The following NXPE2 variants were observed in gnomAD, a reference collection of about 807,000 sequenced individuals.
NXPE2 encodes the protein neurexophilin and PC-esterase domain family member 2.
Under a neutral mutation model 34.4 loss-of-function variants are expected in NXPE2, and 34 were observed. The ratio of observed to expected loss-of-function variants is 0.99; its 90% CI spans 0.75 to 1.31. The LOEUF is 1.31. NXPE2 is among the 40% of genes most tolerant of loss of function. The pLI is 0.00. For missense variants in NXPE2, 649 were observed against 672.5 expected, an observed-to-expected ratio of 0.97 and a Z score of 0.39; for synonymous variants, 235 against 231.3, an observed-to-expected ratio of 1.02 and a Z score of -0.15.
intron 2 of NXPE2, among the ~76,000 whole-genome samples, chr11:114,693,965 G>A (rs927955834): frequency 2.0e-5 from 3 of 152,160 alleles, no homozygotes; most frequent in Admixed American, 6.5e-5. Context: ...TAAAATCAAG[G>A]TATTAGCAGG....
chr11:114,590,833 C>G, the NXPE2 span, among the ~76,000 whole-genome samples: 338 of 152,266 alleles, frequency 2.2e-3, 3 homozygotes, highest in Admixed American at 0.021. Context: ...TGTTTATGCC[C>G]CACACAATGT....
the NXPE2 span, among the ~76,000 whole-genome samples, chr11:114,779,294 A>ACAGT: frequency 6.9e-6 from 1 of 145,498 alleles, no homozygotes; most frequent in Non-Finnish European, 1.5e-5. Context: ...CAGCTATCAC[A>ACAGT]CAGTCAAGTC....
chr11:114,726,998 C>G, the NXPE2 span, among the ~76,000 whole-genome samples: 8 of 152,018 alleles, frequency 5.3e-5, no homozygotes, highest in African/African-American at 1.9e-4. Context: ...ACCAGAATTG[C>G]CTTCAAATGG....
upstream of NXPE2, among the ~76,000 whole-genome samples, chr11:114,676,583 G>A (rs1439210548): frequency 6.6e-6 from 1 of 151,962 alleles, no homozygotes; most frequent in South Asian, 2.1e-4. Context: ...CTGTTAGTAT[G>A]GTTATTATCA....
chr11:114,527,746 A>G, the NXPE2 span: 1 of 752,648 alleles, frequency 1.3e-6, no homozygotes, highest in Non-Finnish European at 2.1e-6. Flanking sequence ...GACATCTGCT[A>G]GGAATTGTGC....
chr11:114,718,768 G>A, the NXPE2 span, among the ~76,000 whole-genome samples: 1 of 152,174 alleles, frequency 6.6e-6, no homozygotes, highest in African/African-American at 2.4e-5. Context: ...GTATGTTTGA[G>A]GCAGAGAGAG....
chr11:114,536,905 C>T, the NXPE2 span, among the ~76,000 whole-genome samples: 10 of 150,530 alleles, frequency 6.6e-5, no homozygotes, highest in East Asian at 3.9e-4. Context: ...CAGTAGAAAA[C>T]GGGAATCCTC....
Position 114,705,807 on chromosome 11 carries a change from C to A in NXPE2, c.955C>A (p.Gln319Lys), listed in dbSNP as rs1172536627. 2.0e-6 allele frequency: 3 copies of A among 1,502,132 alleles called. No homozygotes were observed. Among genetic ancestry groups the A allele is most frequent in the African/African-American group, 1.4e-5 (1 of 70,088 alleles). The allele number at this position is 1,502,132 out of a possible 1,614,324, so 93.1% of individuals were successfully genotyped here. A position where few individuals can be genotyped will look rare whatever the true frequency, so the allele number is the denominator to read the frequency against. The stretch of plus-strand genomic sequence containing the variant: ...GAGCGAGAACATAAAAAAGAACTGC[C>A]AGATTGGAATGAAGACTCCTTTCCC... ...NKSENIKKNC[Q>K]IGMKTPFPSG... The change falls in exon 5 of 6, where the codon CAG (glutamine) becomes AAG (lysine). Residue 319 changes from glutamine to lysine, a missense_variant. Gln to Lys is a moderately conservative substitution (Grantham distance 53, BLOSUM62 1). Coordinates refer to ENST00000389586, the MANE Select transcript of NXPE2 (RefSeq NM_182495.6).
chr11:114,739,317 TTC>T, the NXPE2 span, among the ~76,000 whole-genome samples: 6 of 53,588 alleles, frequency 1.1e-4, no homozygotes, highest in East Asian at 5.1e-4. Flanking sequence ...CCTTCCTTCC[TTC>T]CTTCCTTCCT....
At chr11:114,570,233 T>C in the NXPE2 span, among the ~76,000 whole-genome samples, 2 of 152,108 alleles carry the variant, frequency 1.3e-5, no homozygotes, top group Admixed American at 1.3e-4. Context: ...CTCTCCAGTC[T>C]TTGACTGTCT....
chr11:114,647,707 T>TA, the NXPE2 span, among the ~76,000 whole-genome samples: 11 of 146,246 alleles, frequency 7.5e-5, no homozygotes, highest in African/African-American at 1.6e-4. Flanking sequence ...TTTATTTTAT[T>TA]TTTTTTTTTT....
chr11:114,674,269 C>T (rs548921929), upstream of NXPE2, among the ~76,000 whole-genome samples: 1 of 151,750 alleles, frequency 6.6e-6, no homozygotes, highest in East Asian at 1.9e-4. Flanking sequence ...ACCAAATAAC[C>T]TTAATTTTCT....
the NXPE2 span, among the ~76,000 whole-genome samples, chr11:114,594,408 A>G: frequency 6.6e-6 from 1 of 152,212 alleles, no homozygotes; most frequent in Non-Finnish European, 1.5e-5. Flanking sequence ...GAAAGTAAAA[A>G]GATGAGCTAA....
In NXPE2 at chr11:114,706,977, A is replaced by C; in HGVS notation, c.*47A>C. ...CTAGCCACTTTCTATAGATGATCTC[A>C]CATATACAGCGAAGATAGTTTAATG... On this transcript the variant is annotated 3_prime_UTR_variant, in exon 6 of 6. Coordinates refer to ENST00000389586, the MANE Select transcript of NXPE2 (RefSeq NM_182495.6). The C allele has an allele frequency of 1.4e-3, 1,882 of 1,374,268 alleles. No homozygotes were observed. The highest frequency in any genetic ancestry group is 1.7e-3 in the Non-Finnish European group (1,706 of 1,018,962). The allele number at this position is 1,374,268 out of a possible 1,614,324, so 85.1% of individuals were successfully genotyped here. A position where few individuals can be genotyped will look rare whatever the true frequency, so the allele number is the denominator to read the frequency against.
chr11:114,495,444 C>T, the NXPE2 span, among the ~76,000 whole-genome samples: 1 of 151,766 alleles, frequency 6.6e-6, no homozygotes, highest in Non-Finnish European at 1.5e-5. Flanking sequence ...ACTCTTTCCT[C>T]AAGCAGAAGG....
the NXPE2 span, among the ~76,000 whole-genome samples, chr11:114,638,913 G>C: frequency 6.6e-6 from 1 of 151,946 alleles, no homozygotes; most frequent in African/African-American, 2.4e-5. Context: ...TGGGGGTCAG[G>C]GGTCAGGGAC....
the NXPE2 span, among the ~76,000 whole-genome samples, chr11:114,470,355 T>A: frequency 6.6e-6 from 1 of 152,206 alleles, no homozygotes; most frequent in Admixed American, 6.5e-5. Context: ...TTGCCAACAT[T>A]TAATATGCTT....
the NXPE2 span, among the ~76,000 whole-genome samples, chr11:114,611,113 G>C: frequency 6.8e-6 from 1 of 146,500 alleles, no homozygotes; most frequent in South Asian, 2.2e-4. Context: ...GAAACCAGTG[G>C]ATAGTTAGTA....
chr11:114,632,485 C>T, the NXPE2 span, among the ~76,000 whole-genome samples: 1 of 122,072 alleles, frequency 8.2e-6, no homozygotes, highest in Non-Finnish European at 1.6e-5. Context: ...ATATAATACT[C>T]CATAATATAT....
Sources: allele counts gnomAD v4.1 joint callset (sites outside exome capture counted in the v4.1 genomes callset), GRCh38; gene constraint gnomAD v4.1.1; transcripts MANE v1.5; gene names NCBI Gene and HGNC (gene_info 2026-07-23, HGNC 2026-07-21).